Variants in DHRS7B observed in about 807,000 individuals in gnomAD.
The protein encoded by DHRS7B is peroxisomal reductase activating PPAR-gamma.
In DHRS7B, 24 loss-of-function variants were observed where a neutral mutation model predicts 26.4. The observed-to-expected ratio is 0.91, with a 90% CI of 0.66 to 1.28. The LOEUF (loss-of-function observed/expected upper bound fraction) is 1.28. Among genes scored for constraint, DHRS7B ranks in the 50% most tolerant of loss-of-function variants. The pLI, the probability that DHRS7B is intolerant of heterozygous loss-of-function variation, is 0.00. For synonymous variants in DHRS7B, 142 were observed against 166.4 expected (o/e 0.85, Z 1.13); for missense variants, 368 against 419.4 (o/e 0.88, Z 1.07).
At position 21,188,800 on chromosome 17, in the gene DHRS7B, C is replaced by T; in HGVS notation, c.709C>T (p.Pro237Ser). Reference sequence around the variant, plus strand: ...TGAAATTGAGGTGACCGTCATCAGCCCCGGCTACATCCACACCAACCTCTC... The same window carrying T: ...TGAAATTGAGGTGACCGTCATCAGCTCCGGCTACATCCACACCAACCTCTC... ...QYEIEVTVIS[P>S]GYIHTNLSVN... Residue 237 changes from proline to serine, a missense_variant, in exon 6 of 7, where the codon CCC becomes TCC. Transcript: ENST00000395511. 3 of 1,614,148 alleles carry T rather than the reference C, an allele frequency of 1.9e-6. No individual in the cohort carries two copies. Among genetic ancestry groups the T allele is most frequent in the South Asian group, 1.1e-5 (1 of 91,072 alleles).
intron 1 of DHRS7B, among the ~76,000 whole-genome samples, chr17:21,164,117 C>A (rs1974059225): frequency 6.9e-6 from 1 of 145,234 alleles, no homozygotes; most frequent in Non-Finnish European, 1.5e-5. Flanking sequence ...TAACCTCAAA[C>A]TCCTGGGCTC....
intron 1 of DHRS7B, among the ~76,000 whole-genome samples, chr17:21,138,129 C>CACACAT (rs1429452660): frequency 7.1e-6 from 1 of 140,020 alleles, no homozygotes; most frequent in African/African-American, 2.7e-5. Context: ...CACACACACA[C>CACACAT]ACATATATTT....
At chr17:21,173,540 A>G (rs1974307838) in intron 2 of DHRS7B, among the ~76,000 whole-genome samples, 1 of 152,216 alleles carries the variant, frequency 6.6e-6, no homozygotes, top group African/African-American at 2.4e-5. Context: ...TGGGTGTTGC[A>G]TGAACACAGA....
At chr17:21,166,726 T>C (rs1256677497) in intron 1 of DHRS7B, among the ~76,000 whole-genome samples, 1 of 152,150 alleles carries the variant, frequency 6.6e-6, no homozygotes, top group African/African-American at 2.4e-5. Flanking sequence ...GGGAGCAGGA[T>C]CCTAACTGCT....
Position 21,172,202 on chromosome 17 carries a change from T to A in DHRS7B, c.199+6T>A. 1 of 1,607,972 alleles carries A rather than the reference T, an allele frequency of 6.2e-7. No homozygotes were observed. Among genetic ancestry groups the A allele is most frequent in the East Asian group, 2.2e-5 (1 of 44,626 alleles). ...CACCTCAGGGCTGGGCAAAGGTGGG[T>A]CCTGGAGGCAGTGCTGCCAGGGGGC... On this transcript the variant is annotated splice_donor_region_variant and intron_variant, in intron 2 of 6. Coordinates refer to ENST00000395511, the MANE Select transcript of DHRS7B (RefSeq NM_015510.5).
chr17:21,129,726 A>G (rs1018796291), intron 1 of DHRS7B, among the ~76,000 whole-genome samples: 1 of 147,584 alleles, frequency 6.8e-6, no homozygotes, highest in Non-Finnish European at 1.5e-5. Context: ...AAAAAAAAAG[A>G]AAAAGAAAAA....
intron 1 of DHRS7B, among the ~76,000 whole-genome samples, chr17:21,146,240 C>G (rs1325822925): frequency 6.6e-6 from 1 of 152,142 alleles, no homozygotes; most frequent in Non-Finnish European, 1.5e-5. Flanking sequence ...AAAACCAGAT[C>G]TCTACAGAAA....
chr17:21,127,201 G>C, intron 1 of DHRS7B: 2 of 517,362 alleles, frequency 3.9e-6, no homozygotes, highest in South Asian at 6.5e-5. Flanking sequence ...CGGCGAGTGC[G>C]TGGCGGGGAA....
At chr17:21,130,117 G>T (rs1973196366) in intron 1 of DHRS7B, among the ~76,000 whole-genome samples, 1 of 152,312 alleles carries the variant, frequency 6.6e-6, no homozygotes, top group African/African-American at 2.4e-5. Flanking sequence ...AGGGGGTTTG[G>T]CTGAGCACGG....
At chr17:21,129,814 C>T (rs1320856501) in intron 1 of DHRS7B, among the ~76,000 whole-genome samples, 1 of 151,866 alleles carries the variant, frequency 6.6e-6, no homozygotes, top group Admixed American at 6.6e-5. Flanking sequence ...AATCCCACCA[C>T]TTATTTGTAT....
At chr17:21,181,726 T>A (rs1191632466) in intron 3 of DHRS7B, among the ~76,000 whole-genome samples, 1 of 152,226 alleles carries the variant, frequency 6.6e-6, no homozygotes, top group Non-Finnish European at 1.5e-5. Flanking sequence ...ATAGAATTGC[T>A]TTCCTGATTC....
At chr17:21,176,446 C>T (rs1427546417) in intron 2 of DHRS7B, among the ~76,000 whole-genome samples, 2 of 151,914 alleles carry the variant, frequency 1.3e-5, no homozygotes, top group Non-Finnish European at 2.9e-5. Context: ...TACAAAAATA[C>T]AAAAATTAGC....
At chr17:21,134,813 A>G (rs1439530599) in intron 1 of DHRS7B, among the ~76,000 whole-genome samples, 1 of 152,208 alleles carries the variant, frequency 6.6e-6, no homozygotes, top group Non-Finnish European at 1.5e-5. Flanking sequence ...CAGTAGCTCA[A>G]AAGAAAAGTT....
intron 3 of DHRS7B, among the ~76,000 whole-genome samples, chr17:21,178,702 A>G (rs943641495): frequency 2.7e-5 from 4 of 145,648 alleles, no homozygotes; most frequent in Non-Finnish European, 4.5e-5. Flanking sequence ...TCTGTCACCC[A>G]GGCTGGAGTG....
chr17:21,157,063 G>T (rs2144034358), intron 1 of DHRS7B, among the ~76,000 whole-genome samples: 1 of 152,208 alleles, frequency 6.6e-6, no homozygotes, highest in South Asian at 2.1e-4. Flanking sequence ...TAGAGAAATG[G>T]AATCAATAAT....
At chr17:21,169,767 G>A (rs545926983) in intron 1 of DHRS7B, among the ~76,000 whole-genome samples, 16 of 152,232 alleles carry the variant, frequency 1.1e-4, no homozygotes, top group Admixed American at 5.2e-4. Flanking sequence ...AGGGGCCCAC[G>A]GAGGAGTGTT....
At chr17:21,178,154 C>G (rs1974424852) in intron 2 of DHRS7B, 79 bp from the exon 3 acceptor site, 2 of 1,393,442 alleles carry the variant, frequency 1.4e-6, no homozygotes, top group Non-Finnish European at 2.0e-6. Context: ...TGTGAAGCAG[C>G]AAACAGCAAC....
intron 1 of DHRS7B, among the ~76,000 whole-genome samples, chr17:21,148,673 G>T (rs1973693848): frequency 6.6e-6 from 1 of 152,186 alleles, no homozygotes; most frequent in African/African-American, 2.4e-5. Flanking sequence ...TTGAACCTAG[G>T]AGGCGGAGGT....
chr17:21,178,727 C>T (rs1023504327), intron 3 of DHRS7B, among the ~76,000 whole-genome samples: 27 of 147,664 alleles, frequency 1.8e-4, no homozygotes, highest in Admixed American at 2.7e-4. Context: ...GGCCCAATCT[C>T]GGTTCACTGC....
Sources: allele counts gnomAD v4.1 joint callset (sites outside exome capture counted in the v4.1 genomes callset), GRCh38; gene constraint gnomAD v4.1.1; transcripts MANE v1.5; gene names NCBI Gene and HGNC (gene_info 2026-07-23, HGNC 2026-07-21).